The following ZNF609 variants were observed in gnomAD, a reference collection of about 807,000 sequenced individuals.
ZNF609 encodes zinc finger protein 609.
ZNF609 carries 11 observed loss-of-function variants against 109.5 expected under a neutral mutation model. The ratio of observed to expected loss-of-function variants is 0.10; its 90% confidence interval spans 0.06 to 0.17. The LOEUF (loss-of-function observed/expected upper bound fraction) is 0.17. ZNF609 is among the 10% of genes least tolerant of loss of function. ZNF609 has a pLI of 1.00. For missense variants in ZNF609, 1,559 were observed against 1,772.4 expected (o/e 0.88, Z 2.16); for synonymous variants, 646 against 662.0 (o/e 0.98, Z 0.37).
chr15:64,529,111 A>G, intron 2 of ZNF609: 2 of 811,108 alleles, frequency 2.5e-6, no homozygotes, highest in Non-Finnish European at 4.3e-6. Context: ...GGGGCCATTT[A>G]TAGTCTGGGT....
At chr15:64,656,404 A>G (rs1206741119) in intron 3 of ZNF609, among the ~76,000 whole-genome samples, 1 of 152,112 alleles carries the variant, frequency 6.6e-6, no homozygotes, top group African/African-American at 2.4e-5. Flanking sequence ...TAGCCCACCA[A>G]TCAGTAACAA....
At chr15:64,469,696 C>G (rs1284946146) in intron 1 of ZNF609, among the ~76,000 whole-genome samples, 5 of 151,954 alleles carry the variant, frequency 3.3e-5, no homozygotes, top group Non-Finnish European at 1.5e-5. Context: ...ATATCTTTTT[C>G]TAGTGTGCTT....
At chr15:64,570,326 C>T (rs1894841194) in intron 2 of ZNF609, among the ~76,000 whole-genome samples, 1 of 152,220 alleles carries the variant, frequency 6.6e-6, no homozygotes, top group African/African-American at 2.4e-5. Context: ...ATCTTTTTCT[C>T]TTCTCATCTT....
In ZNF609 at chr15:64,663,137, A is replaced by G. The variant is rs541200598; in HGVS notation, c.974-7209A>G. Among the ~76,000 whole-genome samples, 4 of 152,322 alleles carry G rather than the reference A, an allele frequency of 2.6e-5. No individual in the cohort carries two copies. In the South Asian group the frequency reaches 8.3e-4, roughly 32 times the overall value. ...TCTCTCTGGTCTCTGTGTTGAGAAC[A>G]GGTCAGAAAGTGATAAAGATGGAAG... On this transcript the variant is annotated intron_variant, in intron 3 of 9. Transcript: ENST00000326648.
chr15:64,571,738 T>G (rs1032900439), intron 2 of ZNF609, among the ~76,000 whole-genome samples: 1 of 152,066 alleles, frequency 6.6e-6, no homozygotes, highest in Admixed American at 6.6e-5. Context: ...GGTGAGATCT[T>G]CACTCACTGC....
At chr15:64,583,671 G>C (rs980847789) in intron 2 of ZNF609, among the ~76,000 whole-genome samples, 1 of 152,122 alleles carries the variant, frequency 6.6e-6, no homozygotes, top group African/African-American at 2.4e-5. Flanking sequence ...TGCATGGTGC[G>C]GGTGAGTACC....
Position 64,684,008 on chromosome 15 carries a change from C to T in ZNF609, c.*2322C>T, listed in dbSNP as rs973362650. The T allele has an allele frequency of 1.3e-5, 2 of 152,192 alleles. No homozygotes were observed. Among genetic ancestry groups the T allele is most frequent in the African/African-American group, 4.8e-5 (2 of 41,424 alleles). 9.4% of individuals were successfully genotyped at this position (152,192 alleles called of 1,614,324 possible). On this transcript the variant is annotated 3_prime_UTR_variant, in exon 10 of 10. Transcript: ENST00000326648. ...AATTTTTCTTCTTAAACATTTGGCTCTTTGATCCTCATATCCAAGTCTCCC... is the reference window on the plus strand; with the variant it reads ...AATTTTTCTTCTTAAACATTTGGCTTTTTGATCCTCATATCCAAGTCTCCC...
Position 64,622,935 on chromosome 15 carries a change from T to A in ZNF609, c.856T>A (p.Ser286Thr), listed in dbSNP as rs1332259147. ...PCEQIMVRTR[S>T]VGVNTCDVAL... ...TGAGCAGATCATGGTTCGTACCCGA[T>A]CAGTTGGGGTCAACACATGTGATGT... The change falls in exon 3 of 10, where the codon TCA becomes ACA. Residue 286 changes from serine (S) to threonine (T), a missense_variant. By Grantham distance (58) the Ser-to-Thr change is moderately conservative. Transcript: ENST00000326648. 3 of 1,614,056 alleles carry A rather than the reference T, an allele frequency of 1.9e-6. No individual in the cohort carries two copies. In the Admixed American group the frequency reaches 5.0e-5, roughly 27 times the overall value.
Position 64,675,030 on chromosome 15 carries a change from G to A in ZNF609, c.2176G>A (p.Asp726Asn). 1 of 1,614,048 alleles carries A rather than the reference G, an allele frequency of 6.2e-7. No individual in the cohort carries two copies. The highest frequency in any genetic ancestry group is 8.5e-7 in the Non-Finnish European group (1 of 1,180,034). ...CAACCCTGCCTTGACTCCAGCCAAG[G>A]ACAAGAAAAAGAAAGACAAAAAAAA... The part of the protein sequence containing the change: ...TVNPALTPAK[D>N]KKKKDKKKKE... Residue 726 changes from aspartate to asparagine, a missense_variant, in exon 5 of 10, where the codon GAC becomes AAC. Around this residue, in one of 4 missense-constraint regions of ZNF609, gnomAD observed 1,204 missense variants for 1,314.1 expected, o/e 0.92. Coordinates refer to ENST00000326648, the MANE Select transcript of ZNF609 (RefSeq NM_015042.2).
Position 64,546,830 on chromosome 15 carries a change from G to A in ZNF609, c.747+46664G>A, listed in dbSNP as rs866671885. ...TTTTGAGACAGAGTCTCGCCCTGTC[G>A]CCCAGGCTGGAGTGCAGTGGCGTGA... On this transcript the variant is annotated intron_variant, in intron 2 of 9. Transcript: ENST00000326648. Among the ~76,000 whole-genome samples, 301 of 133,466 alleles carry A rather than the reference G, an allele frequency of 2.3e-3. 1 individual carries two copies. Among genetic ancestry groups the A allele is most frequent in the African/African-American group, 8.0e-3 (275 of 34,410 alleles). 87.6% of individuals were successfully genotyped at this position (133,466 alleles called of 152,430 possible). A position where few individuals can be genotyped will look rare whatever the true frequency, so the allele number is the denominator to read the frequency against.
intron 2 of ZNF609, among the ~76,000 whole-genome samples, chr15:64,507,993 G>A (rs1222878417): frequency 1.3e-5 from 2 of 152,146 alleles, no homozygotes; most frequent in Non-Finnish European, 2.9e-5. Context: ...ATTCCCTAAA[G>A]TCATTCATCC....
intron 2 of ZNF609, among the ~76,000 whole-genome samples, chr15:64,506,723 G>GAAAAAA (rs5813307): frequency 6.8e-6 from 1 of 146,292 alleles, no homozygotes; most frequent in Non-Finnish European, 1.5e-5. Flanking sequence ...TCTGTCTCAA[G>GAAAAAA]AAAAAAAAAA....
At chr15:64,514,983 G>T (rs1408679191) in intron 2 of ZNF609, among the ~76,000 whole-genome samples, 1 of 151,766 alleles carries the variant, frequency 6.6e-6, no homozygotes, top group East Asian at 1.9e-4. Flanking sequence ...TGTTGTTGTT[G>T]TTATTTCTGA....
intron 2 of ZNF609, among the ~76,000 whole-genome samples, chr15:64,600,425 G>A (rs1895475958): frequency 1.4e-5 from 2 of 146,268 alleles, no homozygotes. Flanking sequence ...ACTCCAGCCT[G>A]GGCGACAGTG....
intron 2 of ZNF609, among the ~76,000 whole-genome samples, chr15:64,585,192 A>T (rs1895176125): frequency 6.6e-6 from 1 of 151,914 alleles, no homozygotes; most frequent in African/African-American, 2.4e-5. Flanking sequence ...AGGCGTGGTG[A>T]TGCACGCCTG....
At chr15:64,626,803 C>T (rs1430525936) in intron 3 of ZNF609, among the ~76,000 whole-genome samples, 8 of 152,182 alleles carry the variant, frequency 5.3e-5, no homozygotes, top group Non-Finnish European at 1.2e-4. Flanking sequence ...GTAAGCACTG[C>T]AAAGATCCTA....
intron 3 of ZNF609, among the ~76,000 whole-genome samples, chr15:64,640,146 C>T (rs913678352): frequency 6.6e-6 from 1 of 151,950 alleles, no homozygotes; most frequent in Non-Finnish European, 1.5e-5. Context: ...TGGTGTTGAT[C>T]TCCTGACCTC....
intron 2 of ZNF609, among the ~76,000 whole-genome samples, chr15:64,556,045 C>T (rs1287225813): frequency 6.7e-6 from 1 of 150,086 alleles, no homozygotes; most frequent in Non-Finnish European, 1.5e-5. Flanking sequence ...AGGCTGAGTA[C>T]AGTGGCATGA....
chr15:64,599,683 A>G (rs1383131662), intron 2 of ZNF609, among the ~76,000 whole-genome samples: 1 of 152,110 alleles, frequency 6.6e-6, no homozygotes, highest in Non-Finnish European at 1.5e-5. Flanking sequence ...CTTTGGATAT[A>G]CAGATACAAT....
Sources: gnomAD v4.1 joint callset for allele counts (sites outside exome capture counted in the v4.1 genomes callset) on GRCh38, gnomAD v4.1.1 for gene constraint, gnomAD v4.1.1 regional missense constraint, MANE v1.5 for transcripts, NCBI Gene and HGNC (gene_info 2026-07-23, HGNC 2026-07-21) for gene names.